PAX7: variants seen among roughly 807,000 people sequenced by gnomAD.
PAX7 encodes paired box 7, also known as paired box protein Pax-7.
PAX7 carries 18 observed loss-of-function variants against 50.7 expected under a neutral mutation model. That is an observed-to-expected ratio of 0.36 (90% CI 0.25 to 0.53). The LOEUF (loss-of-function observed/expected upper bound fraction) is 0.53. PAX7 is among the 20% of genes least tolerant of loss of function. The pLI, the probability that PAX7 is intolerant of heterozygous loss-of-function variation, is 0.93. For missense variants in PAX7, 644 were observed against 702.9 expected (o/e 0.92, Z 0.95); for synonymous variants, 310 against 290.4 (o/e 1.07, Z -0.69).
At chr1:18,713,701 G>T (rs2089382970) in intron 7 of PAX7, among the ~76,000 whole-genome samples, 1 of 152,160 alleles carries the variant, frequency 6.6e-6, no homozygotes, top group South Asian at 2.1e-4. Context: ...CAGACAGGAA[G>T]ACCAGAGGAA....
rs558014723 is a variant in PAX7 at position 18,699,285 on chromosome 1, G to A, written c.787-1368G>A. 2.0e-5 allele frequency among the ~76,000 whole-genome samples: 3 copies of A among 152,282 alleles called. No homozygotes were observed. In the South Asian group the frequency reaches 6.2e-4, roughly 32 times the overall value. On this transcript the variant is annotated intron_variant, in intron 5 of 8. Transcript: ENST00000420770. ...GATCCTGTGGGGAAGCACACAGGTA[G>A]GAGGCCCACCTGACAGAAGGCAGAG... is the stretch of plus-strand genomic sequence containing the variant.
At chr1:18,710,470 C>T (rs144176670) in intron 7 of PAX7, among the ~76,000 whole-genome samples, 2 of 151,500 alleles carry the variant, frequency 1.3e-5, no homozygotes, top group East Asian at 1.9e-4. Flanking sequence ...GGACCAGGGA[C>T]GAGGAAGGAG....
chr1:18,701,970 G>A (rs775125181), intron 6 of PAX7, among the ~76,000 whole-genome samples: 4 of 152,124 alleles, frequency 2.6e-5, no homozygotes, highest in South Asian at 2.1e-4. Context: ...CTACCTCACC[G>A]GAACTTGCTC....
chr1:18,691,147 T>G (rs1287892479), intron 4 of PAX7, among the ~76,000 whole-genome samples: 6 of 152,174 alleles, frequency 3.9e-5, no homozygotes, highest in Admixed American at 3.3e-4. Flanking sequence ...TCAGCTAATT[T>G]TCTTACTTTT....
intron 7 of PAX7, among the ~76,000 whole-genome samples, chr1:18,728,342 T>C (rs1343684482): frequency 6.6e-6 from 1 of 151,932 alleles, no homozygotes; most frequent in Non-Finnish European, 1.5e-5. Flanking sequence ...GTGTCTGTAA[T>C]GTGTGTGTCT....
chr1:18,742,165 T>G (rs1931173824), intron 8 of PAX7, among the ~76,000 whole-genome samples: 1 of 143,676 alleles, frequency 7.0e-6, no homozygotes, highest in African/African-American at 2.6e-5. Context: ...TTTTTTTTTT[T>G]TTTTTTTTTT....
chr1:18,637,058 G>T (rs2088172024), intron 4 of PAX7, among the ~76,000 whole-genome samples: 1 of 152,066 alleles, frequency 6.6e-6, no homozygotes, highest in East Asian at 1.9e-4. Context: ...GAGAGACCCA[G>T]GCTCCACACA....
At chr1:18,709,351 A>G (rs2089322262) in intron 7 of PAX7, among the ~76,000 whole-genome samples, 1 of 152,206 alleles carries the variant, frequency 6.6e-6, no homozygotes, top group Non-Finnish European at 1.5e-5. Context: ...CTGGAGCTTA[A>G]AACGAAGGAA....
intron 4 of PAX7, among the ~76,000 whole-genome samples, chr1:18,677,316 T>C (rs1251769508): frequency 3.9e-5 from 6 of 152,196 alleles, no homozygotes; most frequent in Non-Finnish European, 8.8e-5. Context: ...GTCAGGCTTA[T>C]GTTTCCAGTG....
intron 8 of PAX7, among the ~76,000 whole-genome samples, chr1:18,741,823 G>A (rs570465673): frequency 6.6e-6 from 1 of 152,360 alleles, no homozygotes; most frequent in South Asian, 2.1e-4. Context: ...AGCACCTCGT[G>A]CCCTCTAGTG....
At chr1:18,639,661 C>T (rs2088219370) in intron 4 of PAX7, among the ~76,000 whole-genome samples, 1 of 152,106 alleles carries the variant, frequency 6.6e-6, no homozygotes, top group Non-Finnish European at 1.5e-5. Flanking sequence ...AGAATCTGAG[C>T]TCAGAGAGAT....
chr1:18,638,839 T>C (rs1453596565), intron 4 of PAX7, among the ~76,000 whole-genome samples: 1 of 152,208 alleles, frequency 6.6e-6, no homozygotes, highest in African/African-American at 2.4e-5. Context: ...CTCATCTCTC[T>C]TCCAGGCCCC....
At chr1:18,687,192 C>T (rs2088989783) in intron 4 of PAX7, among the ~76,000 whole-genome samples, 1 of 152,022 alleles carries the variant, frequency 6.6e-6, no homozygotes, top group Non-Finnish European at 1.5e-5. Context: ...CACCAGGCCC[C>T]ATCATCTTTA....
At position 18,712,400 on chromosome 1, in the gene PAX7, G is replaced by T. The variant is rs80160879; in HGVS notation, c.1155+9104G>T. On this transcript the variant is annotated intron_variant, in intron 7 of 8. Transcript: ENST00000420770. ...AGCCCACAAGGGAGCGGCCTGGGCA[G>T]AGCCTCTTCTCCTGTGAAAATAGAC... Among the ~76,000 whole-genome samples the T allele has an allele frequency of 6.6e-3, 999 of 152,336 alleles. 12 individuals carry two copies. Among genetic ancestry groups the T allele is most frequent in the East Asian group, 0.012 (63 of 5,164 alleles).
chr1:18,742,466 T>C (rs1177806450), intron 8 of PAX7, among the ~76,000 whole-genome samples: 1 of 152,162 alleles, frequency 6.6e-6, no homozygotes, highest in Admixed American at 6.5e-5. Context: ...AGAATGAGGC[T>C]TCTTAATGGG....
rs1236688120 is a variant in PAX7, at chr1:18,636,613, C to T, written c.586+242C>T. Among the ~76,000 whole-genome samples the T allele has an allele frequency of 3.3e-5, 5 of 152,338 alleles. 1 individual carries two copies. The South Asian group carries it at 1.0e-3, about 32-fold the overall frequency. On this transcript the variant is annotated intron_variant, in intron 4 of 8. Transcript: ENST00000420770. This position sits in a 1 kb window ranked among gnomAD's most constrained non-coding sequence, Gnocchi z 5.1. ...TTGCGCTATGGAGGCCGGGCACGGA[C>T]GGCCTGTGAGTCCCGGGAGAGCCCG...
chr1:18,675,106 T>C (rs1236765291), intron 4 of PAX7, among the ~76,000 whole-genome samples: 3 of 152,074 alleles, frequency 2.0e-5, no homozygotes, highest in Non-Finnish European at 2.9e-5. Flanking sequence ...TGCACCTCTT[T>C]TTGAGTGTTT....
At chr1:18,716,503 TG>T (rs201842955) in intron 7 of PAX7, among the ~76,000 whole-genome samples, 18,732 of 81,016 alleles carry the variant, frequency 0.23, 1,514 homozygotes, top group East Asian at 0.45. Context: ...TGTTGTTTTT[TG>T]TTTTTTGTTT....
chr1:18,658,920 TG>T (rs377498198), intron 4 of PAX7, among the ~76,000 whole-genome samples: 20 of 152,318 alleles, frequency 1.3e-4, no homozygotes, highest in African/African-American at 4.3e-4. Context: ...TCATTTGAGC[TG>T]GAGAGTGTGT....
Sources: allele counts gnomAD v4.1 joint callset (sites outside exome capture counted in the v4.1 genomes callset), GRCh38; gene constraint gnomAD v4.1.1; non-coding constraint Gnocchi (gnomAD v3.1); transcripts MANE v1.5; gene names NCBI Gene and HGNC (gene_info 2026-07-23, HGNC 2026-07-21).